ZNF570: variants seen among roughly 807,000 people sequenced by gnomAD.
The protein encoded by ZNF570 is zinc finger protein 570.
ZNF570 carries 8 observed loss-of-function variants against 14.2 expected under a neutral mutation model. The observed-to-expected ratio is 0.56, with a 90% CI of 0.33 to 1.02. The LOEUF (loss-of-function observed/expected upper bound fraction) is 1.02. ZNF570 is among the 50% of genes least tolerant of loss of function. The pLI is 0.03. For missense variants in ZNF570, 559 were observed against 624.9 expected (o/e 0.89, Z 1.12); for synonymous variants, 202 against 207.6 (o/e 0.97, Z 0.23).
upstream of ZNF570, chr19:37,469,094 G>C: frequency 9.6e-7 from 1 of 1,039,418 alleles, no homozygotes; most frequent in South Asian, 3.5e-5. Flanking sequence ...TGTGACGCTG[G>C]GCCCCGTCCC....
At chr19:37,471,589 GC>G (rs1270475898) in intron 2 of ZNF570, among the ~76,000 whole-genome samples, 1 of 152,102 alleles carries the variant, frequency 6.6e-6, no homozygotes, top group African/African-American at 2.4e-5. Context: ...ATTGTGTACA[GC>G]CCAGACCTCT....
At chr19:37,470,273 C>G (rs1390341086) in intron 1 of ZNF570, 31 bp from the exon 2 acceptor site, 4 of 1,601,068 alleles carry the variant, frequency 2.5e-6, no homozygotes, top group Admixed American at 3.3e-5. Context: ...CAAGAAAAGT[C>G]TAGTTTCTCA....
chr19:37,471,321 C>T (rs2041961335), intron 2 of ZNF570, among the ~76,000 whole-genome samples: 1 of 152,166 alleles, frequency 6.6e-6, no homozygotes, highest in African/African-American at 2.4e-5. Flanking sequence ...CCACTGCACC[C>T]ATGCATTCTT....
Position 37,485,383 on chromosome 19 carries a change from C to T in ZNF570, c.*150C>T, listed in dbSNP as rs1289830103. On this transcript the variant is annotated 3_prime_UTR_variant, in exon 5 of 5. Coordinates refer to ENST00000330173, the MANE Select transcript of ZNF570 (RefSeq NM_144694.5). ...TTGCTACCTTTAAATCCATTTCCCA[C>T]AATGCACTCAAACGGATCTTTTTTT... is the stretch of plus-strand genomic sequence containing the variant. The T allele has an allele frequency of 2.8e-6, 2 of 719,738 alleles. No individual in the cohort carries two copies. The highest frequency in any genetic ancestry group is 3.7e-5 in the African/African-American group (2 of 54,764). 44.6% of individuals were successfully genotyped at this position (719,738 alleles called of 1,614,324 possible). A position where few individuals can be genotyped will look rare whatever the true frequency, so the allele number is the denominator to read the frequency against.
In ZNF570 at chr19:37,484,191, A is replaced by G. The variant is rs138299958; in HGVS notation, c.569A>G (p.His190Arg). 2,777 of 1,614,048 alleles carry G rather than the reference A, an allele frequency of 1.7e-3. 9 individuals carry two copies. The highest frequency in any genetic ancestry group is 2.1e-3 in the Non-Finnish European group (2,512 of 1,180,016). ...ATAATCCCCAAAGAGGAGAAAGTAC[A>G]TAAACATGACACACAAAAGAGAAGC... ...QKIIPKEEKV[H>R]KHDTQKRSFK... is the part of the protein sequence containing the mutation. Residue 190 changes from histidine to arginine, a missense_variant, in exon 5 of 5, where the codon CAT (histidine) becomes CGT (arginine). By Grantham distance (29) the His-to-Arg change is conservative. Transcript: ENST00000330173.
chr19:37,472,480 G>A (rs746617554), intron 2 of ZNF570, among the ~76,000 whole-genome samples: 3 of 152,050 alleles, frequency 2.0e-5, no homozygotes, highest in Non-Finnish European at 2.9e-5. Flanking sequence ...GGTGACTCAC[G>A]CCTGTAATCC....
At position 37,469,381 on chromosome 19, in the gene ZNF570, G is replaced by A. The variant is rs569022809; in HGVS notation, c.-228G>A. The stretch of plus-strand genomic sequence containing the variant: ...GCTTCTTTCCGGGCCCGTAAGGGCT[G>A]GGTTCCATCCAACTAAGGGTAGCGG... On this transcript the variant is annotated 5_prime_UTR_variant, in exon 1 of 5. Transcript: ENST00000330173. 1.0e-5 allele frequency: 15 copies of A among 1,475,632 alleles called. No individual in the cohort carries two copies. The highest frequency in any genetic ancestry group is 7.2e-6 in the Non-Finnish European group (8 of 1,110,214). The allele number at this position is 1,475,632 out of a possible 1,614,324, so 91.4% of individuals were successfully genotyped here.
intron 1 of ZNF570, 103 bp downstream of exon 1, chr19:37,469,660 G>A (rs1600372142): frequency 8.1e-7 from 1 of 1,228,778 alleles, no homozygotes. Flanking sequence ...GAGGCTGTGA[G>A]TTGAGGCGGG....
At chr19:37,467,817 C>A (rs1288075537), upstream of ZNF570, 2 of 1,489,522 alleles carry the variant, frequency 1.3e-6, no homozygotes, top group Non-Finnish European at 1.8e-6. Context: ...AATATGCGAC[C>A]TTTTGTGTGA....
chr19:37,484,190 C>T lies in ZNF570; in HGVS notation c.568C>T (p.His190Tyr). The stretch of plus-strand genomic sequence containing the variant: ...GATAATCCCCAAAGAGGAGAAAGTA[C>T]ATAAACATGACACACAAAAGAGAAG... Reference protein sequence around the residue: ...QKIIPKEEKVHKHDTQKRSFK... With the variant: ...QKIIPKEEKVYKHDTQKRSFK... The change falls in exon 5 of 5, where the codon CAT (histidine) becomes TAT (tyrosine). Residue 190 changes from histidine (H) to tyrosine (Y), a missense_variant. Transcript: ENST00000330173. The T allele has an allele frequency of 6.2e-7, 1 of 1,613,878 alleles. No homozygotes were observed.
chr19:37,471,009 A>ATTGTTTTTTTTTTT (rs2041952376), intron 2 of ZNF570, among the ~76,000 whole-genome samples: 1 of 84,372 alleles, frequency 1.2e-5, no homozygotes, highest in Non-Finnish European at 2.1e-5. Flanking sequence ...CAGTGAGTAC[A>ATTGTTTTTTTTTTT]TTTTTTTTTT....
At chr19:37,469,639 C>T in intron 1 of ZNF570, 82 bp downstream of exon 1, 1 of 1,373,366 alleles carries the variant, frequency 7.3e-7, no homozygotes, top group Non-Finnish European at 9.9e-7. Flanking sequence ...GTCAATGGCA[C>T]CGTGGAATGT....
At position 37,476,355 on chromosome 19, in the gene ZNF570, AC is replaced by A; in HGVS notation, c.179del (p.Pro60GlnfsTer3). 1.2e-6 allele frequency: 2 copies of A among 1,613,844 alleles called. No individual in the cohort carries two copies. The highest frequency in any genetic ancestry group is 1.7e-6 in the Non-Finnish European group (2 of 1,179,924). On this transcript the variant is annotated frameshift_variant, in exon 4 of 5. Transcript: ENST00000330173. LOFTEE classifies it high-confidence loss of function. ...LVSLGLCFSK[P>X]SVILLLEQGK... The stretch of plus-strand genomic sequence containing the variant: ...TATTTGCAGGACTTTGCTTTTCCAA[AC>A]CAAGTGTGATATTATTGTTGGAACA...
intron 4 of ZNF570, 55 bp downstream of exon 4, chr19:37,476,489 C>CA: frequency 6.4e-7 from 1 of 1,567,554 alleles, no homozygotes; most frequent in Non-Finnish European, 8.7e-7. Flanking sequence ...CAGCTTGACT[C>CA]AAAGGTATCA....
chr19:37,471,215 A>G (rs541561098), intron 2 of ZNF570, among the ~76,000 whole-genome samples: 27 of 150,406 alleles, frequency 1.8e-4, no homozygotes, highest in Non-Finnish European at 3.5e-4. Context: ...GGATTTCACC[A>G]TGTTAGCCAG....
intron 2 of ZNF570, among the ~76,000 whole-genome samples, chr19:37,471,144 G>C (rs1361949575): frequency 2.0e-5 from 3 of 150,326 alleles, no homozygotes; most frequent in African/African-American, 7.4e-5. Context: ...CTCCCAAGTA[G>C]CTGGGACTAC....
In ZNF570 at chr19:37,484,246, C is replaced by G; in HGVS notation, c.624C>G (p.Pro208=). 1 of 1,613,886 alleles carries G rather than the reference C, an allele frequency of 6.2e-7. No homozygotes were observed. Among genetic ancestry groups the G allele is most frequent in the Non-Finnish European group, 8.5e-7 (1 of 1,179,998 alleles). The change falls in exon 5 of 5, where the codon CCC becomes CCG. Residue 208 remains proline (P), a synonymous_variant. Coordinates refer to ENST00000330173, the MANE Select transcript of ZNF570 (RefSeq NM_144694.5). ...SFKKNLMAIK[P]KSVCAEKKLL... ...AAAAAAATTTAATGGCTATTAAGCCCAAGAGTGTCTGTGCAGAGAAGAAAC... is the reference window on the plus strand; with the variant it reads ...AAAAAAATTTAATGGCTATTAAGCCGAAGAGTGTCTGTGCAGAGAAGAAAC...
intron 1 of ZNF570, 75 bp from the exon 2 acceptor site, chr19:37,470,229 C>T: frequency 7.2e-7 from 1 of 1,388,778 alleles, no homozygotes; most frequent in Non-Finnish European, 1.0e-6. Context: ...GAAAGAGAAT[C>T]CTAAAAAGTC....
Position 37,475,960 on chromosome 19 carries a change from T to C in ZNF570, c.113T>C (p.Leu38Pro). 6.2e-7 allele frequency: 1 copy of C among 1,614,008 alleles called. No homozygotes were observed. Among genetic ancestry groups the C allele is most frequent in the South Asian group, 1.1e-5 (1 of 91,054 alleles). Reference sequence around the variant, plus strand: ...TGTCTGGATTCTTCTCAAAGACATCTGTACAGTAATGTGATGCTAGAGAAC... The same window carrying C: ...TGTCTGGATTCTTCTCAAAGACATCCGTACAGTAATGTGATGCTAGAGAAC... ...WDCLDSSQRH[L>P]YSNVMLENYR... The change falls in exon 3 of 5, where the codon CTG becomes CCG. Residue 38 changes from leucine to proline, a missense_variant. Transcript: ENST00000330173.
Sources: allele counts gnomAD v4.1 joint callset (sites outside exome capture counted in the v4.1 genomes callset), GRCh38; gene constraint gnomAD v4.1.1; transcripts MANE v1.5; gene names NCBI Gene and HGNC (gene_info 2026-07-23, HGNC 2026-07-21).